KSR1: variants seen among roughly 807,000 people sequenced by gnomAD.
KSR1 encodes the protein kinase suppressor of ras.
Under a neutral mutation model 92.9 loss-of-function variants are expected in KSR1, and 35 were observed. That is an observed-to-expected ratio of 0.38 (90% CI 0.29 to 0.50). The LOEUF (loss-of-function observed/expected upper bound fraction) is 0.50, where lower values mean the gene tolerates loss of function less well. KSR1 is among the 20% of genes least tolerant of loss of function. The pLI is 0.94. For synonymous variants in KSR1, 467 were observed against 472.6 expected (o/e 0.99, Z 0.15); for missense variants, 972 against 1,158.5 (o/e 0.84, Z 2.34).
chr17:27,558,862 G>A (rs2071713349), intron 2 of KSR1, among the ~76,000 whole-genome samples: 3 of 152,178 alleles, frequency 2.0e-5, no homozygotes, highest in African/African-American at 7.2e-5. Context: ...GGAACTTTGT[G>A]TGGTGGGATT....
chr17:27,518,832 C>T (rs528603344), intron 1 of KSR1, among the ~76,000 whole-genome samples: 2 of 152,212 alleles, frequency 1.3e-5, no homozygotes, highest in Admixed American at 6.5e-5. Context: ...TCCATTGTGC[C>T]GTGGTGGGAA....
chr17:27,484,637 A>G (rs1454775953), intron 1 of KSR1, among the ~76,000 whole-genome samples: 2 of 145,188 alleles, frequency 1.4e-5, no homozygotes, highest in African/African-American at 5.0e-5. Context: ...CACAATTCCT[A>G]TCCAGTGTGA....
chr17:27,481,071 T>C (rs2068495907), intron 1 of KSR1, among the ~76,000 whole-genome samples: 1 of 152,256 alleles, frequency 6.6e-6, no homozygotes, highest in South Asian at 2.1e-4. Flanking sequence ...CTCTTGACTT[T>C]GTTTTTTGGT....
chr17:27,519,512 G>T (rs2069936428), intron 1 of KSR1, among the ~76,000 whole-genome samples: 1 of 152,142 alleles, frequency 6.6e-6, no homozygotes, highest in Non-Finnish European at 1.5e-5. Flanking sequence ...TCTCTGACCT[G>T]GCCATGGTGC....
intron 5 of KSR1, chr17:27,586,130 C>T (rs968176066): frequency 4.1e-5 from 7 of 172,534 alleles, no homozygotes; most frequent in Admixed American, 6.2e-5. Context: ...AGAAATGTAG[C>T]GCAGCTCTGA....
intron 18 of KSR1, among the ~76,000 whole-genome samples, chr17:27,613,562 T>C (rs1373170684): frequency 6.6e-6 from 1 of 152,136 alleles, no homozygotes; most frequent in Non-Finnish European, 1.5e-5. Flanking sequence ...TGCATGTGGG[T>C]CTCCAGTCCA....
chr17:27,544,235 A>G lies in KSR1; in HGVS notation c.232-6333A>G, dbSNP rs1165182355. Among the ~76,000 whole-genome samples, 3 of 152,134 alleles carry G rather than the reference A, an allele frequency of 2.0e-5. No individual in the cohort carries two copies. The East Asian group carries it at 5.8e-4, about 29-fold the overall frequency. ...GTGTCAAGGGACTTTAGGGCTAGAG[A>G]TGTCCTTCATGGAGCCACACTGACT... On this transcript the variant is annotated intron_variant, in intron 1 of 20. Coordinates refer to ENST00000644974, the MANE Select transcript of KSR1 (RefSeq NM_001394583.1).
chr17:27,575,825 G>T (rs1328009563), intron 2 of KSR1, among the ~76,000 whole-genome samples: 2 of 152,170 alleles, frequency 1.3e-5, no homozygotes, highest in African/African-American at 4.8e-5. Context: ...AAATTTAGCA[G>T]CTTAACACAC....
chr17:27,529,335 A>G (rs936392801), intron 1 of KSR1, among the ~76,000 whole-genome samples: 8 of 152,202 alleles, frequency 5.3e-5, no homozygotes, highest in Admixed American at 5.2e-4. Context: ...ACCAGAATGT[A>G]GTTACCTACT....
At chr17:27,608,686 G>C (rs1016662941) in intron 15 of KSR1, among the ~76,000 whole-genome samples, 3 of 152,162 alleles carry the variant, frequency 2.0e-5, no homozygotes, top group African/African-American at 4.8e-5. Context: ...TTAGTCCAGG[G>C]CTCCTTCTAC....
intron 2 of KSR1, 41 bp downstream of exon 2, chr17:27,550,749 G>T (rs762270301): frequency 2.7e-6 from 2 of 746,184 alleles, no homozygotes; most frequent in Non-Finnish European, 4.9e-6. Context: ...GGCATGAGGG[G>T]CCAAGCAGAG....
chr17:27,602,001 A>G (rs113314967), intron 11 of KSR1: 16 of 1,410,622 alleles, frequency 1.1e-5, no homozygotes, highest in African/African-American at 1.1e-4. Flanking sequence ...GTTGTTTTCT[A>G]CACTTACTAT....
At chr17:27,552,254 C>G (rs2071422011) in intron 2 of KSR1, among the ~76,000 whole-genome samples, 2 of 152,190 alleles carry the variant, frequency 1.3e-5, no homozygotes, top group African/African-American at 4.8e-5. Context: ...GTCTGCTCCC[C>G]CTGGGATGCG....
At chr17:27,551,015 T>C (rs1203856224) in intron 2 of KSR1, among the ~76,000 whole-genome samples, 1 of 152,234 alleles carries the variant, frequency 6.6e-6, no homozygotes, top group African/African-American at 2.4e-5. Flanking sequence ...CTGTGTTAAA[T>C]GTTTCTGTGT....
intron 1 of KSR1, among the ~76,000 whole-genome samples, chr17:27,539,486 C>A (rs1014109187): frequency 3.3e-5 from 5 of 152,196 alleles, no homozygotes; most frequent in African/African-American, 1.2e-4. Context: ...GGTGTCTGTG[C>A]GGACACATCT....
intron 10 of KSR1, among the ~76,000 whole-genome samples, chr17:27,601,022 T>G (rs2073537456): frequency 6.6e-6 from 1 of 152,244 alleles, no homozygotes. Context: ...ATAACACTGT[T>G]AAACTTTTCA....
intron 2 of KSR1, 25 bp downstream of exon 2, chr17:27,550,733 G>A: frequency 1.3e-6 from 1 of 755,436 alleles, no homozygotes; most frequent in Non-Finnish European, 2.4e-6. Flanking sequence ...TCTCAGCATA[G>A]GGATAGGCAT....
rs2072585576 is a variant in KSR1 at position 27,577,957 on chromosome 17, C to G, written c.520+318C>G. 1 of 459,226 alleles carries G rather than the reference C, an allele frequency of 2.2e-6. No individual in the cohort carries two copies. The highest frequency in any genetic ancestry group is 3.5e-5 in the Admixed American group (1 of 28,914). The allele number at this position is 459,226 out of a possible 1,614,324, so 28.4% of individuals were successfully genotyped here. A position where few individuals can be genotyped will look rare whatever the true frequency, so the allele number is the denominator to read the frequency against. On this transcript the variant is annotated intron_variant, in intron 3 of 20. Transcript: ENST00000644974. This position sits in a 1 kb window ranked among gnomAD's most constrained non-coding sequence, Gnocchi z 4.5. ...CTCTGTGTACCCTCTGCCAGCTTCC[C>G]ACATTCCAGCCCCCAGCCCTCTCCC...
At chr17:27,596,812 A>G (rs952501687) in intron 9 of KSR1, among the ~76,000 whole-genome samples, 8 of 152,242 alleles carry the variant, frequency 5.3e-5, no homozygotes, top group African/African-American at 1.9e-4. Flanking sequence ...TTAATTCATT[A>G]TAAAATGCTA....
Sources: gnomAD v4.1 joint callset for allele counts (sites outside exome capture counted in the v4.1 genomes callset) on GRCh38, gnomAD v4.1.1 for gene constraint, Gnocchi (gnomAD v3.1) non-coding constraint, MANE v1.5 for transcripts, NCBI Gene and HGNC (gene_info 2026-07-23, HGNC 2026-07-21) for gene names.